Variants in KBTBD6 observed in about 807,000 individuals in gnomAD.
KBTBD6 encodes kelch repeat and BTB domain-containing protein 6.
KBTBD6 carries 6 observed loss-of-function variants against 34.4 expected under a neutral mutation model. The ratio of observed to expected loss-of-function variants is 0.17; its 90% CI spans 0.10 to 0.34. KBTBD6 has a LOEUF of 0.34. Ranked by LOEUF, KBTBD6 falls within the 10% of genes least tolerant of loss-of-function variation. The pLI, the probability that KBTBD6 is intolerant of heterozygous loss-of-function variation, is 1.00. For synonymous variants in KBTBD6, 288 were observed against 327.2 expected (o/e 0.88, Z 1.29); for missense variants, 557 against 856.0 (o/e 0.65, Z 4.36).
chr13:41,132,358 G>C lies in KBTBD6; in HGVS notation c.154C>G (p.Gln52Glu), dbSNP rs1489371618. ...CGCGCATCGTAGAAGGACTTGAGCT[G>C]TGCCAGCAGGGCTGCAGAATGGGCC... is the stretch of plus-strand genomic sequence containing the variant. ...DTAHSAALLA[Q>E]LKSFYDARLL... is the part of the protein sequence containing the mutation. Residue 52 changes from glutamine (Q) to glutamate (E), a missense_variant, in exon 1 of 1, where the codon CAG (glutamine) becomes GAG (glutamate). Transcript: ENST00000379485. 1 of 1,614,128 alleles carries C rather than the reference G, an allele frequency of 6.2e-7. No individual in the cohort carries two copies. Among genetic ancestry groups the C allele is most frequent in the East Asian group, 2.2e-5 (1 of 44,892 alleles).
Position 41,132,438 on chromosome 13 carries a change from ATCT to A in KBTBD6, c.71_73del (p.Lys24del), listed in dbSNP as rs772518794. The A allele has an allele frequency of 1.2e-6, 2 of 1,614,164 alleles. No homozygotes were observed. Among genetic ancestry groups the A allele is most frequent in the South Asian group, 2.2e-5 (2 of 91,088 alleles). On this transcript the variant is annotated inframe_deletion, in exon 1 of 1. Coordinates refer to ENST00000379485, the MANE Select transcript of KBTBD6 (RefSeq NM_152903.5). ...AAAGGCCGAAACTGTGGGTTTGTGA[ATCT>A]TCTTGGGCCGCTTCCCACCACGGGG...
rs1566228058 is a variant in KBTBD6, at chr13:41,130,497, G to A, written c.2015C>T (p.Ala672Val). Reference protein sequence around the residue: ...LSDDDFWVRVAPQ With the variant: ...LSDDDFWVRVVPQ ...TTGATCCTGTGCATTTCACTGAGGC[G>A]CTACACGCACCCAAAAATCATCATC... The change falls in exon 1 of 1, where the codon GCG becomes GTG. Residue 672 changes from alanine to valine, a missense_variant. By Grantham distance (64) the Ala-to-Val change is moderately conservative. Coordinates refer to ENST00000379485, the MANE Select transcript of KBTBD6 (RefSeq NM_152903.5). The surrounding 1 kb of genome is among the most constrained non-coding windows in gnomAD (Gnocchi z 4.8). 6.2e-7 allele frequency: 1 copy of A among 1,612,334 alleles called. No individual in the cohort carries two copies. Among genetic ancestry groups the A allele is most frequent in the Non-Finnish European group, 8.5e-7 (1 of 1,178,772 alleles).
rs1230006385 is a variant in KBTBD6 at position 41,131,058 on chromosome 13, T to C, written c.1454A>G (p.Tyr485Cys). 5.6e-6 allele frequency: 9 copies of C among 1,614,172 alleles called. No homozygotes were observed. The highest frequency in any genetic ancestry group is 1.3e-5 in the African/African-American group (1 of 75,038). ...GCGCTTACTGTTGAGAGCATAGAGA[T>C]AGTCTCGAATTACCATTAGGTCAAA... ...LSFDLMVIRD[Y>C]LYALNSKRMF... Residue 485 changes from tyrosine (Y) to cysteine (C), a missense_variant, in exon 1 of 1, where the codon TAT becomes TGT. Tyr to Cys is a radical substitution (Grantham distance 194). Coordinates refer to ENST00000379485, the MANE Select transcript of KBTBD6 (RefSeq NM_152903.5). This position sits in a 1 kb window ranked among gnomAD's most constrained non-coding sequence, Gnocchi z 5.8.
Position 41,132,379 on chromosome 13 carries a change from G to A in KBTBD6, c.133C>T (p.His45Tyr). Residue 45 changes from histidine to tyrosine, a missense_variant, in exon 1 of 1, where the codon CAT becomes TAT. Physicochemically the swap from His to Tyr is moderately conservative, Grantham distance 83. Transcript: ENST00000379485. ...TGPEELKDTAHSAALLAQLKS... is the reference protein window; with the variant it reads ...TGPEELKDTAYSAALLAQLKS... ...AGCTGTGCCAGCAGGGCTGCAGAAT[G>A]GGCCGTGTCCTTTAATTCCTCTGGA... The A allele has an allele frequency of 6.2e-7, 1 of 1,614,250 alleles. No homozygotes were observed. Among genetic ancestry groups the A allele is most frequent in the Non-Finnish European group, 8.5e-7 (1 of 1,180,048 alleles).
rs2030048665 is a variant in KBTBD6, at chr13:41,129,487, T to C, written c.*1000A>G. On this transcript the variant is annotated 3_prime_UTR_variant, in exon 1 of 1. Transcript: ENST00000379485. The stretch of plus-strand genomic sequence containing the variant: ...ACCTTTTAGATGAAAATTGGTGACT[T>C]TGCAAATACACATTCTAAATTCCAA... The C allele has an allele frequency of 6.6e-6, 1 of 152,188 alleles. No individual in the cohort carries two copies. Among genetic ancestry groups the C allele is most frequent in the African/African-American group, 2.4e-5 (1 of 41,442 alleles). 9.4% of individuals were successfully genotyped at this position (152,188 alleles called of 1,614,324 possible).
Position 41,130,590 on chromosome 13 carries a change from C to T in KBTBD6, c.1922G>A (p.Ser641Asn), listed in dbSNP as rs2030070528. Residue 641 changes from serine to asparagine, a missense_variant, in exon 1 of 1, where the codon AGC (serine) becomes AAC (asparagine). By Grantham distance (46) the Ser-to-Asn change is conservative (BLOSUM62 1). This residue lies in a region of KBTBD6 where 309 missense variants were observed against 504.5 expected (regional missense o/e 0.61). Coordinates refer to ENST00000379485, the MANE Select transcript of KBTBD6 (RefSeq NM_152903.5). This position sits in a 1 kb window ranked among gnomAD's most constrained non-coding sequence, Gnocchi z 4.8. ...TEEEEIPSES[S>N]TEWDLGGFSE... ...GAATCCACCTAAGTCCCATTCAGTG[C>T]TAGACTCACTTGGTATTTCTTCTTC... 1.2e-6 allele frequency: 2 copies of T among 1,614,130 alleles called. No individual in the cohort carries two copies. Among genetic ancestry groups the T allele is most frequent in the Non-Finnish European group, 1.7e-6 (2 of 1,179,986 alleles).
chr13:41,127,732 G>A lies in KBTBD6; in HGVS notation c.*2755C>T, dbSNP rs191610680. 1.2e-4 allele frequency: 18 copies of A among 152,096 alleles called. No homozygotes were observed. The highest frequency in any genetic ancestry group is 2.0e-4 in the Admixed American group (3 of 15,272). 9.4% of individuals were successfully genotyped at this position (152,096 alleles called of 1,614,324 possible). A position where few individuals can be genotyped will look rare whatever the true frequency, so the allele number is the denominator to read the frequency against. On this transcript the variant is annotated 3_prime_UTR_variant, in exon 1 of 1. Coordinates refer to ENST00000379485, the MANE Select transcript of KBTBD6 (RefSeq NM_152903.5). ...CTTTAATTCAAAGGTTGAGAATGAC[G>A]AATTCAAGAATTTCTTTCATACATA...
Position 41,128,158 on chromosome 13 carries a change from T to C in KBTBD6, c.*2329A>G, listed in dbSNP as rs1344692836. On this transcript the variant is annotated 3_prime_UTR_variant, in exon 1 of 1. Transcript: ENST00000379485. ...TCTTATGATATTTCACTCAAAAATT[T>C]AGTTACCCACCCCAAAACACATTTC... 5.7e-6 allele frequency: 1 copy of C among 175,492 alleles called. No individual in the cohort carries two copies. Among genetic ancestry groups the C allele is most frequent in the East Asian group, 1.5e-4 (1 of 6,896 alleles). 10.9% of individuals were successfully genotyped at this position (175,492 alleles called of 1,614,324 possible).
Position 41,131,335 on chromosome 13 carries a change from G to A in KBTBD6, c.1177C>T (p.His393Tyr). The A allele has an allele frequency of 6.2e-7, 1 of 1,614,158 alleles. No homozygotes were observed. Among genetic ancestry groups the A allele is most frequent in the Non-Finnish European group, 8.5e-7 (1 of 1,180,008 alleles). ...TTLAVCISPD[H>Y]DIYLAAQPRT... ...GGCTGAGCAGCTAGATAGATGTCAT[G>A]GTCAGGAGAGATACAGACAGCTAAA... The change falls in exon 1 of 1, where the codon CAT (histidine) becomes TAT (tyrosine). Residue 393 changes from histidine (H) to tyrosine (Y), a missense_variant. Coordinates refer to ENST00000379485, the MANE Select transcript of KBTBD6 (RefSeq NM_152903.5). The surrounding 1 kb of genome is among the most constrained non-coding windows in gnomAD (Gnocchi z 5.8).
chr13:41,128,691 T>TG lies in KBTBD6; in HGVS notation c.*1795dup, dbSNP rs1305793844. On this transcript the variant is annotated 3_prime_UTR_variant, in exon 1 of 1. Transcript: ENST00000379485. ...TTGCCAAAGCTGGAGTGCTGAGACATGATCATAGCTGCAGTGAGCTATGAT... is the reference window on the plus strand; with the variant it reads ...TTGCCAAAGCTGGAGTGCTGAGACATGGATCATAGCTGCAGTGAGCTATGAT... 2.7e-6 allele frequency: 1 copy of TG among 376,398 alleles called. No individual in the cohort carries two copies. Among genetic ancestry groups the TG allele is most frequent in the Non-Finnish European group, 4.7e-6 (1 of 211,206 alleles). 23.3% of individuals were successfully genotyped at this position (376,398 alleles called of 1,614,324 possible). A position where few individuals can be genotyped will look rare whatever the true frequency, so the allele number is the denominator to read the frequency against.
chr13:41,129,920 C>G lies in KBTBD6; in HGVS notation c.*567G>C, dbSNP rs1290957187. ...CCTCAGGTGATCCACCTGCCTCGGC[C>G]TCCCAAAGTGCTAGGATTACAGGCG... On this transcript the variant is annotated 3_prime_UTR_variant, in exon 1 of 1. Transcript: ENST00000379485. 1 of 152,228 alleles carries G rather than the reference C, an allele frequency of 6.6e-6. No individual in the cohort carries two copies. The highest frequency in any genetic ancestry group is 1.5e-5 in the Non-Finnish European group (1 of 68,152). 9.4% of individuals were successfully genotyped at this position (152,228 alleles called of 1,614,324 possible).
rs1351423418 is a variant in KBTBD6, at chr13:41,130,792, G to A, written c.1720C>T (p.Arg574Cys). 6.2e-7 allele frequency: 1 copy of A among 1,614,178 alleles called. No homozygotes were observed. Among genetic ancestry groups the A allele is most frequent in the South Asian group, 1.1e-5 (1 of 91,084 alleles). The change falls in exon 1 of 1, where the codon CGC becomes TGC. Residue 574 changes from arginine (R) to cysteine (C), a missense_variant. Arg to Cys is a radical substitution (Grantham distance 180). This residue lies in a region of KBTBD6 where 309 missense variants were observed against 504.5 expected (regional missense o/e 0.61). Coordinates refer to ENST00000379485, the MANE Select transcript of KBTBD6 (RefSeq NM_152903.5). The surrounding 1 kb of genome is among the most constrained non-coding windows in gnomAD (Gnocchi z 4.8). ...CGGTTCTTTTTCCACTGTGGGGTGC[G>A]AGAGGTGATGAGCAACAATTTTTGG... ...HGQKLLLITS[R>C]TPQWKKNRVT...
At position 41,129,608 on chromosome 13, in the gene KBTBD6, AG is replaced by A. The variant is rs2030050645; in HGVS notation, c.*878del. ...CTATTCTCTGTATTATTATAAATGA[AG>A]TCACCACTCAGTCACCCTAATACAC... On this transcript the variant is annotated 3_prime_UTR_variant, in exon 1 of 1. Transcript: ENST00000379485. The A allele has an allele frequency of 6.6e-6, 1 of 150,410 alleles. No homozygotes were observed. 9.3% of individuals were successfully genotyped at this position (150,410 alleles called of 1,614,324 possible). A position where few individuals can be genotyped will look rare whatever the true frequency, so the allele number is the denominator to read the frequency against.
chr13:41,132,598 G>C lies in KBTBD6; in HGVS notation c.-87C>G, dbSNP rs761350140. On this transcript the variant is annotated 5_prime_UTR_variant, in exon 1 of 1. It adds an upstream start codon to the 5' untranslated region. Transcript: ENST00000379485. ...CTCAACCTTCCCTCGCTGACGCTAA[G>C]ATAGCAGCGTCTCCGAAGAGACAGC... The C allele has an allele frequency of 2.1e-6, 3 of 1,439,810 alleles. No homozygotes were observed. Among genetic ancestry groups the C allele is most frequent in the Non-Finnish European group, 2.8e-6 (3 of 1,053,198 alleles). 89.2% of individuals were successfully genotyped at this position (1,439,810 alleles called of 1,614,324 possible).
In KBTBD6 at chr13:41,128,123, T is replaced by G. The variant is rs554959798; in HGVS notation, c.*2364A>C. 6.2e-5 allele frequency: 10 copies of G among 160,090 alleles called. No individual in the cohort carries two copies. The highest frequency in any genetic ancestry group is 2.4e-4 in the African/African-American group (10 of 41,996). The allele number at this position is 160,090 out of a possible 1,614,324, so 9.9% of individuals were successfully genotyped here. A position where few individuals can be genotyped will look rare whatever the true frequency, so the allele number is the denominator to read the frequency against. ...TTATAACTCTTTGTGTCTCCCTCTT[T>G]CCATTCTCATCTTATGATATTTCAC... On this transcript the variant is annotated 3_prime_UTR_variant, in exon 1 of 1. Coordinates refer to ENST00000379485, the MANE Select transcript of KBTBD6 (RefSeq NM_152903.5).
chr13:41,132,027 G>C lies in KBTBD6; in HGVS notation c.485C>G (p.Ser162Cys). The change falls in exon 1 of 1, where the codon TCC (serine) becomes TGC (cysteine). Residue 162 changes from serine to cysteine, a missense_variant. By Grantham distance (112) the Ser-to-Cys change is moderately radical. Transcript: ENST00000379485. Reference sequence around the variant, plus strand: ...CAGGTCAAGACGTCGGGCTAAGAAGGAGGCACAGGCTTCCCGCACATATTC... The same window carrying C: ...CAGGTCAAGACGTCGGGCTAAGAAGCAGGCACAGGCTTCCCGCACATATTC... Reference protein sequence around the residue: ...QLEYVREACASFLARRLDLTN... With the variant: ...QLEYVREACACFLARRLDLTN... 2 of 1,614,274 alleles carry C rather than the reference G, an allele frequency of 1.2e-6. No homozygotes were observed. The highest frequency in any genetic ancestry group is 1.7e-6 in the Non-Finnish European group (2 of 1,180,048).
Position 41,130,914 on chromosome 13 carries a change from A to G in KBTBD6, c.1598T>C (p.Val533Ala), listed in dbSNP as rs2138516878. The G allele has an allele frequency of 6.2e-7, 1 of 1,614,154 alleles. No homozygotes were observed. The highest frequency in any genetic ancestry group is 2.2e-5 in the East Asian group (1 of 44,878). Residue 533 changes from valine to alanine, a missense_variant, in exon 1 of 1, where the codon GTC (valine) becomes GCC (alanine). This residue lies in a region of KBTBD6 where 309 missense variants were observed against 504.5 expected (regional missense o/e 0.61). Coordinates refer to ENST00000379485, the MANE Select transcript of KBTBD6 (RefSeq NM_152903.5). This position sits in a 1 kb window ranked among gnomAD's most constrained non-coding sequence, Gnocchi z 4.8. ...CCTAACTGGGTTGTAGACCTTCATG[A>G]CTGGGATATCACAGATACAATAGAT... is the stretch of plus-strand genomic sequence containing the variant. The part of the protein sequence containing the change: ...EEIYCICDIP[V>A]MKVYNPVRAE...
chr13:41,132,786 G>C lies in KBTBD6; in HGVS notation c.-275C>G. On this transcript the variant is annotated 5_prime_UTR_variant, in exon 1 of 1. Coordinates refer to ENST00000379485, the MANE Select transcript of KBTBD6 (RefSeq NM_152903.5). The stretch of plus-strand genomic sequence containing the variant: ...TGGAGCCGCAGAAGCCGCTACTGCA[G>C]CGTGGGCGACAATGCTAGGCGCCCA... 2.0e-6 allele frequency: 1 copy of C among 499,712 alleles called. No individual in the cohort carries two copies. The highest frequency in any genetic ancestry group is 1.9e-5 in the African/African-American group (1 of 52,222). 31.0% of individuals were successfully genotyped at this position (499,712 alleles called of 1,614,324 possible).
In KBTBD6 at chr13:41,129,691, G is replaced by A. The variant is rs1295960608; in HGVS notation, c.*796C>T. The A allele has an allele frequency of 2.8e-5, 3 of 107,464 alleles. No homozygotes were observed. The highest frequency in any genetic ancestry group is 1.1e-4 in the African/African-American group (3 of 27,312). 6.7% of individuals were successfully genotyped at this position (107,464 alleles called of 1,614,324 possible). ...TTTTTTTTTTTTTTTTTTTTGAGAC[G>A]GAGTCTCACTCTGTCATCCAGGCTG... is the stretch of plus-strand genomic sequence containing the variant. On this transcript the variant is annotated 3_prime_UTR_variant, in exon 1 of 1. Transcript: ENST00000379485.
Sources: gnomAD v4.1 joint callset for allele counts on GRCh38, gnomAD v4.1.1 for gene constraint, gnomAD v4.1.1 regional missense constraint, Gnocchi (gnomAD v3.1) non-coding constraint, MANE v1.5 for transcripts, NCBI Gene and HGNC (gene_info 2026-07-23, HGNC 2026-07-21) for gene names.